The following SOS1 variants were observed in gnomAD, a reference collection of about 807,000 sequenced individuals.
SOS1 encodes SOS Ras/Rac guanine nucleotide exchange factor 1, also known as son of sevenless homolog 1.
Under a neutral mutation model 157.6 loss-of-function variants are expected in SOS1, and 25 were observed. The observed-to-expected ratio is 0.16, with a 90% CI of 0.12 to 0.22. The LOEUF (loss-of-function observed/expected upper bound fraction) is 0.22, where lower values mean the gene tolerates loss of function less well. SOS1 is among the 10% of genes least tolerant of loss of function. The probability of loss-of-function intolerance (pLI) is 1.00; values close to 1 mark genes in which losing one functional copy is unlikely to be tolerated. For synonymous variants in SOS1, 528 were observed against 534.0 expected, an observed-to-expected ratio of 0.99 and a Z score of 0.16; for missense variants, 1,237 against 1,599.1, an observed-to-expected ratio of 0.77 and a Z score of 3.86.
chr2:39,118,389 A>G lies in SOS1; in HGVS notation c.87+1947T>C, dbSNP rs528274512. On this transcript the variant is annotated intron_variant, in intron 1 of 22. Transcript: ENST00000402219. ...TAAAAACGTAGGTTTTGAGCTACCA[A>G]CAGCATATCCAGATATGAAACATAC... 9.8e-5 allele frequency among the ~76,000 whole-genome samples: 15 copies of G among 152,370 alleles called. No individual in the cohort carries two copies. In the South Asian group the frequency reaches 3.1e-3, roughly 32 times the overall value.
chr2:39,105,586 A>C (rs1165400107), intron 1 of SOS1, among the ~76,000 whole-genome samples: 1 of 152,160 alleles, frequency 6.6e-6, no homozygotes, highest in East Asian at 1.9e-4. Context: ...AATAGTGCTC[A>C]ACTAATTTGG....
At chr2:39,003,145 A>C (rs752588488) in intron 17 of SOS1, among the ~76,000 whole-genome samples, 2 of 151,812 alleles carry the variant, frequency 1.3e-5, no homozygotes, top group Admixed American at 6.6e-5. Flanking sequence ...TTTAAACCTC[A>C]TAAGATCAGC....
intron 8 of SOS1, among the ~76,000 whole-genome samples, chr2:39,033,984 CAG>C (rs778548229): frequency 6.6e-5 from 10 of 151,338 alleles, no homozygotes; most frequent in Non-Finnish European, 1.0e-4. Context: ...TATAACAAAA[CAG>C]TGTGTAAATG....
intron 17 of SOS1, among the ~76,000 whole-genome samples, chr2:39,005,936 A>G (rs1245761780): frequency 6.6e-6 from 1 of 152,128 alleles, no homozygotes. Context: ...ATTCAGTCCT[A>G]AAAAGGAAGG....
chr2:39,010,639 G>C lies in SOS1; in HGVS notation c.2455C>G (p.Pro819Ala). The change falls in exon 15 of 23, where the codon CCT becomes GCT. Residue 819 changes from proline to alanine, a missense_variant. Pro to Ala is a conservative substitution (Grantham distance 27, BLOSUM62 -1). Transcript: ENST00000402219. Reference protein sequence around the residue: ...WTKEDKEINSPNLLKMIRHTT... With the variant: ...WTKEDKEINSANLLKMIRHTT... Reference sequence around the variant, plus strand: ...TGTCGAATCATTTTCAGAAGATTAGGAGAGTTAATTTCTTTGTCTTCTTTT... The same window carrying C: ...TGTCGAATCATTTTCAGAAGATTAGCAGAGTTAATTTCTTTGTCTTCTTTT... 6.2e-7 allele frequency: 1 copy of C among 1,607,640 alleles called. No individual in the cohort carries two copies. The highest frequency in any genetic ancestry group is 8.5e-7 in the Non-Finnish European group (1 of 1,174,172).
intron 10 of SOS1, among the ~76,000 whole-genome samples, chr2:39,019,433 T>A (rs536077834): frequency 1.3e-5 from 2 of 151,882 alleles, no homozygotes; most frequent in East Asian, 1.9e-4. Context: ...CTTTCTTACT[T>A]AGGATAAGGA....
upstream of SOS1, among the ~76,000 whole-genome samples, chr2:39,122,236 C>T (rs1031569976): frequency 3.4e-5 from 5 of 145,920 alleles, no homozygotes; most frequent in African/African-American, 1.3e-4. Context: ...TCCAGACTAG[C>T]CTGGCCAACA....
chr2:39,111,897 T>C (rs1673450739), intron 1 of SOS1, among the ~76,000 whole-genome samples: 1 of 152,104 alleles, frequency 6.6e-6, no homozygotes, highest in East Asian at 1.9e-4. Flanking sequence ...ATCCAGATAA[T>C]TTTTGTATTT....
chr2:39,022,355 A>T (rs1669824803), intron 10 of SOS1, among the ~76,000 whole-genome samples: 1 of 151,924 alleles, frequency 6.6e-6, no homozygotes, highest in South Asian at 2.1e-4. Context: ...TCATTTTCTC[A>T]TCTATAACTG....
In SOS1 at chr2:39,007,115, T is replaced by C. The variant is rs925480127; in HGVS notation, c.2589A>G (p.Gln863=). ...GGACACCATTAAAGTTGTTCAACTC[T>C]TGAAAGACTTGTAGAATCTCAATAA... ...SRIIEILQVF[Q]ELNNFNGVLE... is the part of the protein sequence containing the mutation. The change falls in exon 16 of 23, where the codon CAA becomes CAG. Residue 863 remains glutamine, a synonymous_variant. Coordinates refer to ENST00000402219, the MANE Select transcript of SOS1 (RefSeq NM_005633.4). The C allele has an allele frequency of 1.9e-6, 3 of 1,606,472 alleles. No individual in the cohort carries two copies. The highest frequency in any genetic ancestry group is 1.7e-5 in the Admixed American group (1 of 59,980).
chr2:38,988,044 C>T (rs2124459930), intron 21 of SOS1, among the ~76,000 whole-genome samples: 1 of 152,186 alleles, frequency 6.6e-6, no homozygotes, highest in East Asian at 1.9e-4. Context: ...GTGCTCTTAA[C>T]CACTCTCTCC....
rs563874155 is a variant in SOS1, at chr2:39,059,846, A to C, written c.214-1042T>G. Among the ~76,000 whole-genome samples the C allele has an allele frequency of 2.6e-5, 4 of 152,314 alleles. No individual in the cohort carries two copies. In the South Asian group the frequency reaches 8.3e-4, roughly 32 times the overall value. ...TTTCCATTATGTCCAAGGCTAAGTC[A>C]GCTTCCAAATAAAGTTATTTTAATT... On this transcript the variant is annotated intron_variant, in intron 2 of 22. Transcript: ENST00000402219.
chr2:39,056,567 T>C (rs1382339363), intron 4 of SOS1, 135 bp downstream of exon 4: 1 of 670,648 alleles, frequency 1.5e-6, no homozygotes, highest in African/African-American at 1.8e-5. Context: ...AGTGGTATCT[T>C]GAATCCCTAC....
intron 15 of SOS1, 112 bp from the exon 16 acceptor site, chr2:39,007,305 T>G: frequency 1.4e-6 from 1 of 727,944 alleles, no homozygotes; most frequent in South Asian, 1.5e-5. Flanking sequence ...GGCGATAGTA[T>G]AACTACTATA....
At chr2:39,116,430 T>G (rs549506274) in intron 1 of SOS1, among the ~76,000 whole-genome samples, 1 of 152,362 alleles carries the variant, frequency 6.6e-6, no homozygotes, top group African/African-American at 2.4e-5. Context: ...GCACCCTTAG[T>G]TCAAATGTGT....
At chr2:38,999,703 A>G (rs1669027687) in intron 17 of SOS1, among the ~76,000 whole-genome samples, 1 of 152,170 alleles carries the variant, frequency 6.6e-6, no homozygotes, top group Admixed American at 6.5e-5. Context: ...CAGTCTGACA[A>G]ACACGTCCAT....
At chr2:39,016,819 A>G (rs536070733) in intron 10 of SOS1, among the ~76,000 whole-genome samples, 8 of 152,268 alleles carry the variant, frequency 5.3e-5, no homozygotes, top group African/African-American at 1.4e-4. Flanking sequence ...AGGGACATCA[A>G]GAGGAATTTT....
At chr2:38,999,992 CTGGT>C (rs1378413129) in intron 17 of SOS1, among the ~76,000 whole-genome samples, 1 of 152,028 alleles carries the variant, frequency 6.6e-6, no homozygotes, top group Non-Finnish European at 1.5e-5. Context: ...AACAATAGTC[CTGGT>C]GAGATGATGA....
chr2:39,088,475 A>G (rs918473356), intron 1 of SOS1, among the ~76,000 whole-genome samples: 1 of 151,968 alleles, frequency 6.6e-6, no homozygotes, highest in Non-Finnish European at 1.5e-5. Context: ...GTTAAACAAT[A>G]ACTCCCCAAT....
Sources: allele counts gnomAD v4.1 joint callset (sites outside exome capture counted in the v4.1 genomes callset), GRCh38; gene constraint gnomAD v4.1.1; transcripts MANE v1.5; gene names NCBI Gene and HGNC (gene_info 2026-07-23, HGNC 2026-07-21).